DNAJB6: variants seen among roughly 807,000 people sequenced by gnomAD.
DNAJB6 encodes dnaJ homolog subfamily B member 6.
In DNAJB6, 16 loss-of-function variants were observed where a neutral mutation model predicts 42.7. The observed-to-expected ratio is 0.37, with a 90% CI of 0.25 to 0.57. The LOEUF is 0.57. Ranked by LOEUF, DNAJB6 falls within the 20% of genes least tolerant of loss-of-function variation. The pLI is 0.74. For synonymous variants in DNAJB6, 170 were observed against 163.5 expected, an observed-to-expected ratio of 1.04 and a Z score of -0.30; for missense variants, 347 against 416.8, an observed-to-expected ratio of 0.83 and a Z score of 1.46.
chr7:157,344,204 G>C (rs1392985801), intron 1 of DNAJB6, among the ~76,000 whole-genome samples: 1 of 152,188 alleles, frequency 6.6e-6, no homozygotes, highest in East Asian at 1.9e-4. Flanking sequence ...AGCTGGGCGT[G>C]GTGACAGGTG....
intron 1 of DNAJB6, among the ~76,000 whole-genome samples, chr7:157,350,349 C>A (rs1230953177): frequency 6.6e-6 from 1 of 152,122 alleles, no homozygotes; most frequent in African/African-American, 2.4e-5. Context: ...AGATAAAGCC[C>A]CCAAATATCC....
chr7:157,415,863 C>T (rs887623454), intron 9 of DNAJB6, among the ~76,000 whole-genome samples, 153 bp from the exon 10 acceptor site: 2 of 152,230 alleles, frequency 1.3e-5, no homozygotes, highest in African/African-American at 4.8e-5. Context: ...CCTTGGAAAG[C>T]GCCCGTTTTG....
At chr7:157,370,181 C>CAGGCCCCTTCTTAACATTATTATTAAAT (rs1563129066) in intron 5 of DNAJB6, among the ~76,000 whole-genome samples, 4 of 144,658 alleles carry the variant, frequency 2.8e-5, no homozygotes, top group Admixed American at 2.1e-4. Context: ...TATTATTAAA[C>CAGGCCCCTTCTTAACATTATTATTAAAT]AGGCCCCTTC....
At chr7:157,353,314 A>G (rs1799093833) in intron 1 of DNAJB6, among the ~76,000 whole-genome samples, 1 of 152,110 alleles carries the variant, frequency 6.6e-6, no homozygotes, top group Admixed American at 6.6e-5. Flanking sequence ...GATTTACAGA[A>G]AAGTTGTAAA....
At chr7:157,380,284 A>G (rs1410945490) in intron 5 of DNAJB6, 1 of 152,216 alleles carries the variant, frequency 6.6e-6, no homozygotes, top group Admixed American at 6.5e-5. Context: ...TGCAAAGTAG[A>G]AAGTTTCTAA....
intron 2 of DNAJB6, among the ~76,000 whole-genome samples, chr7:157,359,758 G>A (rs1218461547): frequency 2.6e-5 from 4 of 152,360 alleles, no homozygotes; most frequent in Admixed American, 6.5e-5. Context: ...GGTTGAGGCT[G>A]CAGTGAGCTA....
intron 1 of DNAJB6, among the ~76,000 whole-genome samples, chr7:157,341,819 A>G (rs1398261381): frequency 2.6e-5 from 4 of 152,214 alleles, no homozygotes; most frequent in African/African-American, 9.6e-5. Context: ...AGAATTCAAG[A>G]AAGTTGGAAA....
intron 8 of DNAJB6, among the ~76,000 whole-genome samples, chr7:157,394,294 G>A (rs931332729): frequency 6.6e-5 from 10 of 152,194 alleles, no homozygotes; most frequent in Non-Finnish European, 1.3e-4. Context: ...ATGTTGCCTT[G>A]TCAATTCTGT....
chr7:157,343,239 C>T (rs190013930), intron 1 of DNAJB6, among the ~76,000 whole-genome samples: 1 of 151,766 alleles, frequency 6.6e-6, no homozygotes, highest in Non-Finnish European at 1.5e-5. Context: ...TGGCTCACTG[C>T]GCCTGCACCT....
intron 8 of DNAJB6, among the ~76,000 whole-genome samples, chr7:157,396,813 C>T (rs561364822): frequency 5.3e-4 from 80 of 152,290 alleles, no homozygotes; most frequent in Non-Finnish European, 1.1e-3. Flanking sequence ...AGCGTATCCC[C>T]CGAGACTGAG....
chr7:157,352,457 T>G (rs1799038920), intron 1 of DNAJB6, among the ~76,000 whole-genome samples: 1 of 152,010 alleles, frequency 6.6e-6, no homozygotes, highest in Non-Finnish European at 1.5e-5. Context: ...TCTCTGAATA[T>G]TTATTCAGTT....
At chr7:157,357,626 G>A (rs1453096796) in intron 1 of DNAJB6, among the ~76,000 whole-genome samples, 1 of 151,974 alleles carries the variant, frequency 6.6e-6, no homozygotes, top group African/African-American at 2.4e-5. Flanking sequence ...ATTCTTGATT[G>A]TTGTTTTAAA....
chr7:157,375,738 T>C (rs1800439386), intron 5 of DNAJB6, among the ~76,000 whole-genome samples: 1 of 152,156 alleles, frequency 6.6e-6, no homozygotes, highest in African/African-American at 2.4e-5. Flanking sequence ...AAAATGTGAG[T>C]TGTAATAAAT....
At chr7:157,375,667 A>C (rs1023185303) in intron 5 of DNAJB6, among the ~76,000 whole-genome samples, 13 of 152,306 alleles carry the variant, frequency 8.5e-5, no homozygotes, top group African/African-American at 3.1e-4. Flanking sequence ...CGTGTTCTTC[A>C]TTGGCTCCCA....
At chr7:157,387,278 G>A (rs888320213) in intron 8 of DNAJB6, among the ~76,000 whole-genome samples, 1 of 152,234 alleles carries the variant, frequency 6.6e-6, no homozygotes, top group African/African-American at 2.4e-5. Context: ...AACGAGTGAT[G>A]TGCTTGTCTG....
Position 157,384,529 on chromosome 7 carries a change from C to T in DNAJB6, c.479-338C>T, listed in dbSNP as rs142881057. On this transcript the variant is annotated intron_variant, in intron 6 of 9. Transcript: ENST00000262177. ...CCAGAATGTTCACATTAACACAACA[C>T]GTGCTTCATGGTGCCAAGCAGACCA... Among the ~76,000 whole-genome samples, 467 of 152,304 alleles carry T rather than the reference C, an allele frequency of 3.1e-3. 3 individuals carry two copies. Among genetic ancestry groups the T allele is most frequent in the East Asian group, 9.8e-3 (51 of 5,192 alleles).
intron 1 of DNAJB6, among the ~76,000 whole-genome samples, chr7:157,355,398 G>C (rs1799220142): frequency 6.6e-6 from 1 of 152,180 alleles, no homozygotes; most frequent in Non-Finnish European, 1.5e-5. Flanking sequence ...CTGACCTCGT[G>C]ATCTGCCCGC....
chr7:157,340,772 C>A lies in DNAJB6; in HGVS notation c.-27+3628C>A, dbSNP rs1311686264. Among the ~76,000 whole-genome samples, 7 of 151,840 alleles carry A rather than the reference C, an allele frequency of 4.6e-5. No individual in the cohort carries two copies. In the East Asian group the frequency reaches 9.9e-4, roughly 21 times the overall value. ...GCTCACTGCACTCCTGGGTTCAAGCCATTCTCCTGCTTCAGCCTGCCAGGT... is the reference window on the plus strand; with the variant it reads ...GCTCACTGCACTCCTGGGTTCAAGCAATTCTCCTGCTTCAGCCTGCCAGGT... On this transcript the variant is annotated intron_variant, in intron 1 of 9. Coordinates refer to ENST00000262177, the MANE Select transcript of DNAJB6 (RefSeq NM_058246.4).
intron 3 of DNAJB6, among the ~76,000 whole-genome samples, chr7:157,365,668 A>T (rs914282985): frequency 3.3e-5 from 5 of 151,408 alleles, no homozygotes; most frequent in East Asian, 1.9e-4. Context: ...AAAGAAAAAA[A>T]TTTTTTTTTG....
Sources: allele counts gnomAD v4.1 joint callset (sites outside exome capture counted in the v4.1 genomes callset), GRCh38; gene constraint gnomAD v4.1.1; transcripts MANE v1.5; gene names NCBI Gene and HGNC (gene_info 2026-07-23, HGNC 2026-07-21).